Variants in TMEM114 observed in about 807,000 individuals in gnomAD.
The protein encoded by TMEM114 is claudin-26.
In TMEM114, 6 loss-of-function variants were observed where a neutral mutation model predicts 6.2. That is an observed-to-expected ratio of 0.97 (90% CI 0.53 to 1.91). The LOEUF (loss-of-function observed/expected upper bound fraction) is 1.91, where lower values mean the gene tolerates loss of function less well. Among genes scored for constraint, TMEM114 ranks in the 40% most tolerant of loss-of-function variants. The pLI, the probability that TMEM114 is intolerant of heterozygous loss-of-function variation, is 0.01. For synonymous variants in TMEM114, 104 were observed against 73.0 expected (o/e 1.42, Z -2.16); for missense variants, 218 against 158.3 (o/e 1.38, Z -2.02).
chr16:8,580,902 G>C (rs144524615), intron 2 of TMEM114, among the ~76,000 whole-genome samples: 1 of 152,226 alleles, frequency 6.6e-6, no homozygotes, highest in African/African-American at 2.4e-5. Context: ...ATGTTGCCCA[G>C]ACTGGTCTAG....
In TMEM114 at chr16:8,572,121, G is replaced by A. The variant is rs1314848425; in HGVS notation, c.405C>T (p.Leu135=). Residue 135 remains leucine, a synonymous_variant, in exon 3 of 4, where the codon CTC becomes CTT. Transcript: ENST00000620492. ...GGAAGAGAATTCCAGTGAGCAGGAG[G>A]AGGAGGTAGGCTTGGAGGAGGAAGC... is the stretch of plus-strand genomic sequence containing the variant. ...FLSFLLQAYL[L]LLLTGILFLF... 2.6e-6 allele frequency: 4 copies of A among 1,551,350 alleles called. No homozygotes were observed. The highest frequency in any genetic ancestry group is 3.5e-6 in the Non-Finnish European group (4 of 1,146,894).
intron 2 of TMEM114, among the ~76,000 whole-genome samples, chr16:8,549,019 A>T (rs1323172177): frequency 6.6e-6 from 1 of 151,930 alleles, no homozygotes; most frequent in Non-Finnish European, 1.5e-5. Flanking sequence ...CAGCTCTACT[A>T]AAAATACAAA....
At chr16:8,539,522 C>G (rs1479974793) in intron 2 of TMEM114, among the ~76,000 whole-genome samples, 3 of 152,164 alleles carry the variant, frequency 2.0e-5, no homozygotes, top group Non-Finnish European at 4.4e-5. Context: ...TCACACCACC[C>G]TCTCCTTCCA....
At chr16:8,556,000 T>A (rs180897622) in intron 2 of TMEM114, among the ~76,000 whole-genome samples, 1 of 152,308 alleles carries the variant, frequency 6.6e-6, no homozygotes, top group East Asian at 1.9e-4. Context: ...GAATTTACTA[T>A]CTACTCCCCT....
At chr16:8,575,168 G>A (rs568121435) in intron 2 of TMEM114, among the ~76,000 whole-genome samples, 22 of 152,276 alleles carry the variant, frequency 1.4e-4, no homozygotes, top group African/African-American at 5.1e-4. Flanking sequence ...CACTGAAAAA[G>A]AGTCTGTGAC....
At chr16:8,568,893 T>A (rs964614588), downstream of TMEM114, among the ~76,000 whole-genome samples, 9 of 152,212 alleles carry the variant, frequency 5.9e-5, no homozygotes, top group African/African-American at 1.2e-4. Flanking sequence ...AGCAGCAAGA[T>A]GACAACCCTT....
At chr16:8,563,463 GAGTA>G (rs1901366635) in intron 2 of TMEM114, among the ~76,000 whole-genome samples, 1 of 151,096 alleles carries the variant, frequency 6.6e-6, no homozygotes, top group Non-Finnish European at 1.5e-5. Context: ...GTGAGTGAAT[GAGTA>G]AGTGAATGAG....
downstream of TMEM114, among the ~76,000 whole-genome samples, chr16:8,534,005 A>C (rs929414874): frequency 1.3e-5 from 2 of 152,214 alleles, no homozygotes; most frequent in African/African-American, 4.8e-5. Context: ...CTCTTTGTGA[A>C]GCCTGAAAAT....
chr16:8,557,689 G>C (rs779572096), intron 2 of TMEM114, among the ~76,000 whole-genome samples: 2 of 152,186 alleles, frequency 1.3e-5, no homozygotes, highest in African/African-American at 2.4e-5. Context: ...CATGAACTCA[G>C]GTAATTATTT....
intron 2 of TMEM114, among the ~76,000 whole-genome samples, chr16:8,555,037 C>T (rs140760596): frequency 3.9e-5 from 6 of 152,348 alleles, no homozygotes; most frequent in East Asian, 3.9e-4. Flanking sequence ...GGCCTTCCCA[C>T]TCATGGGGTT....
intron 2 of TMEM114, among the ~76,000 whole-genome samples, chr16:8,587,063 T>C (rs1471240290): frequency 6.6e-6 from 1 of 152,280 alleles, no homozygotes; most frequent in Non-Finnish European, 1.5e-5. Context: ...TGTCTTGAAA[T>C]TGGCCATGGT....
intron 2 of TMEM114, among the ~76,000 whole-genome samples, chr16:8,588,088 C>A (rs1399623435): frequency 6.6e-6 from 1 of 152,008 alleles, no homozygotes; most frequent in Admixed American, 6.6e-5. Flanking sequence ...GAGTTCGAGA[C>A]CAGCCTGGCT....
chr16:8,564,002 T>C lies in TMEM114; in HGVS notation n.212+25211A>G, dbSNP rs989343545. Among the ~76,000 whole-genome samples, 5 of 150,828 alleles carry C rather than the reference T, an allele frequency of 3.3e-5. 1 individual carries two copies. The highest frequency in any genetic ancestry group is 9.9e-5 in the African/African-American group (4 of 40,352). ...GTGAGGGAGGGCGGGAGGGAATGAG[T>C]GAGTGAATGAGTATGTGAATGAGTA... On this transcript the variant is annotated intron_variant and non_coding_transcript_variant, in intron 2 of 2. Transcript: ENST00000623677.
At chr16:8,533,260 T>C (rs1164658454), downstream of TMEM114, among the ~76,000 whole-genome samples, 2 of 152,242 alleles carry the variant, frequency 1.3e-5, no homozygotes, top group East Asian at 3.8e-4. Flanking sequence ...GAATATATCC[T>C]CAGACATTTG....
intron 2 of TMEM114, among the ~76,000 whole-genome samples, chr16:8,547,794 A>G (rs1002063714): frequency 6.6e-6 from 1 of 152,126 alleles, no homozygotes; most frequent in Non-Finnish European, 1.5e-5. Context: ...AGTGCGGACC[A>G]CAGTCATGGT....
At chr16:8,539,419 G>C (rs753802880) in intron 2 of TMEM114, among the ~76,000 whole-genome samples, 1 of 152,148 alleles carries the variant, frequency 6.6e-6, no homozygotes, top group East Asian at 1.9e-4. Context: ...GCTCCGCAAA[G>C]CCTCCTTCTC....
At chr16:8,531,447 C>T in the TMEM114 span, among the ~76,000 whole-genome samples, 1 of 152,164 alleles carries the variant, frequency 6.6e-6, no homozygotes, top group Non-Finnish European at 1.5e-5. Flanking sequence ...TTTATGGCCA[C>T]GTTTGAAACT....
chr16:8,543,446 G>GTCATGCAATGGTGCACCTTGCA (rs1276855594), intron 2 of TMEM114, among the ~76,000 whole-genome samples: 14 of 103,220 alleles, frequency 1.4e-4, no homozygotes, highest in African/African-American at 4.6e-4. Context: ...AGTCACTTGC[G>GTCATGCAATGGTGCACCTTGCA]TCATGCAATG....
At chr16:8,563,694 TG>T (rs1901382536) in intron 2 of TMEM114, among the ~76,000 whole-genome samples, 1 of 150,262 alleles carries the variant, frequency 6.7e-6, no homozygotes, top group South Asian at 2.1e-4. Context: ...AGTGAATGAG[TG>T]AGTTAGTGAA....
Sources: allele counts gnomAD v4.1 joint callset (sites outside exome capture counted in the v4.1 genomes callset), GRCh38; gene constraint gnomAD v4.1.1; transcripts MANE v1.5; gene names NCBI Gene and HGNC (gene_info 2026-07-23, HGNC 2026-07-21).